The following STOX2 variants were observed in gnomAD, a reference collection of about 807,000 sequenced individuals.
STOX2 encodes storkhead box 2.
STOX2 carries 28 observed loss-of-function variants against 60.9 expected under a neutral mutation model. The ratio of observed to expected loss-of-function variants is 0.46; its 90% confidence interval spans 0.34 to 0.63. STOX2 has a LOEUF of 0.63. STOX2 is among the 30% of genes least tolerant of loss of function. The pLI is 0.01. For missense variants in STOX2, 1,024 were observed against 1,187.7 expected (o/e 0.86, Z 2.03); for synonymous variants, 472 against 463.9 (o/e 1.02, Z -0.22).
chr4:183,899,709 C>T (rs921075398), intron 1 of STOX2, among the ~76,000 whole-genome samples: 10 of 152,168 alleles, frequency 6.6e-5, no homozygotes, highest in Non-Finnish European at 1.0e-4. Flanking sequence ...GTCTCCATAA[C>T]ATAAAAGTGC....
intron 1 of STOX2, among the ~76,000 whole-genome samples, chr4:183,920,061 A>C (rs1742053790): frequency 6.6e-6 from 1 of 152,208 alleles, no homozygotes. Flanking sequence ...TCACATACTC[A>C]TCGGTATACT....
intron 1 of STOX2, among the ~76,000 whole-genome samples, chr4:183,837,398 T>C (rs1252300000): frequency 6.6e-6 from 1 of 152,126 alleles, no homozygotes; most frequent in Non-Finnish European, 1.5e-5. Context: ...AGTGGAATCA[T>C]ACAGTATTTG....
intron 1 of STOX2, among the ~76,000 whole-genome samples, chr4:183,912,207 T>G (rs1365347982): frequency 6.6e-6 from 1 of 152,200 alleles, no homozygotes; most frequent in Non-Finnish European, 1.5e-5. Context: ...CTATCCTCCT[T>G]ATGTCCCCAG....
At chr4:183,953,387 C>T (rs1461112124) in intron 1 of STOX2, among the ~76,000 whole-genome samples, 1 of 152,152 alleles carries the variant, frequency 6.6e-6, no homozygotes. Context: ...TGCCCCTTTA[C>T]CACTTTGCAT....
intron 1 of STOX2, among the ~76,000 whole-genome samples, chr4:183,823,994 G>C (rs1055362075): frequency 3.3e-5 from 5 of 152,198 alleles, no homozygotes; most frequent in Admixed American, 3.3e-4. Flanking sequence ...GACATGTGTA[G>C]CCATGTATCG....
chr4:183,843,608 G>T (rs1374807884), intron 1 of STOX2, among the ~76,000 whole-genome samples: 2 of 152,210 alleles, frequency 1.3e-5, no homozygotes, highest in African/African-American at 4.8e-5. Context: ...TATGGAAATC[G>T]CATGAGCGTG....
chr4:183,912,146 T>G (rs1470615828), intron 1 of STOX2, among the ~76,000 whole-genome samples: 4 of 152,186 alleles, frequency 2.6e-5, no homozygotes, highest in Admixed American at 1.3e-4. Flanking sequence ...GCTGAACCCT[T>G]CTTCTGTTCT....
At position 183,905,392 on chromosome 4, in the gene STOX2, T is replaced by G. The variant is rs1403029177; in HGVS notation, c.-1399T>G. The G allele has an allele frequency of 1.3e-5, 2 of 152,456 alleles. No individual in the cohort carries two copies. The highest frequency in any genetic ancestry group is 1.3e-4 in the Admixed American group (2 of 15,278). 9.4% of individuals were successfully genotyped at this position (152,456 alleles called of 1,614,324 possible). On this transcript the variant is annotated 5_prime_UTR_variant, in exon 1 of 4. Coordinates refer to ENST00000308497, the MANE Select transcript of STOX2 (RefSeq NM_020225.3). ...GGCTGGCGGTGACTTACACCGGGAC[T>G]CCAGAGGGAGAGAGGAAGCGCTGCA...
intron 1 of STOX2, among the ~76,000 whole-genome samples, chr4:183,928,284 C>T (rs868041252): frequency 5.3e-4 from 81 of 152,122 alleles, no homozygotes; most frequent in African/African-American, 1.8e-3. Context: ...GAGCTGCCCA[C>T]GAAATGCTTA....
chr4:183,929,711 T>C (rs889009122), intron 1 of STOX2, among the ~76,000 whole-genome samples: 2 of 152,152 alleles, frequency 1.3e-5, no homozygotes, highest in African/African-American at 4.8e-5. Context: ...CATTTAGCAG[T>C]ATTGTATGCT....
intron 1 of STOX2, among the ~76,000 whole-genome samples, chr4:183,899,522 T>C (rs1741418596): frequency 1.3e-5 from 2 of 152,168 alleles, no homozygotes; most frequent in African/African-American, 4.8e-5. Flanking sequence ...GGAGAAAATT[T>C]GAGTGGTCTG....
intron 1 of STOX2, among the ~76,000 whole-genome samples, chr4:183,941,198 G>T (rs1242465520): frequency 1.3e-5 from 2 of 152,130 alleles, no homozygotes; most frequent in South Asian, 4.1e-4. Context: ...CCTTTGAGTC[G>T]TATGTATTTG....
chr4:183,807,252 C>A (rs538028295), intron 1 of STOX2, among the ~76,000 whole-genome samples: 1 of 152,084 alleles, frequency 6.6e-6, no homozygotes, highest in Non-Finnish European at 1.5e-5. Context: ...GATTACAGGC[C>A]TGAACCACCG....
chr4:183,903,668 C>A (rs1741513204), upstream of STOX2, among the ~76,000 whole-genome samples: 1 of 152,202 alleles, frequency 6.6e-6, no homozygotes, highest in African/African-American at 2.4e-5. Context: ...ATTCATATAA[C>A]CACCTTTGGC....
At position 183,952,253 on chromosome 4, in the gene STOX2, A is replaced by G. The variant is rs138772660; in HGVS notation, c.166+45297A>G. 3.3e-3 allele frequency among the ~76,000 whole-genome samples: 497 copies of G among 152,284 alleles called. 13 individuals are homozygous for G. The highest frequency in any genetic ancestry group is 0.03 in the Admixed American group (453 of 15,296). On this transcript the variant is annotated intron_variant, in intron 1 of 3. Transcript: ENST00000308497. ...TTGGTTTGTTCTGCGTACTTTGAAA[A>G]CCGTAACACATCTCATTTCACAAAT...
chr4:183,876,200 AC>A (rs2111168232), intron 1 of STOX2, among the ~76,000 whole-genome samples: 1 of 152,268 alleles, frequency 6.6e-6, no homozygotes, highest in Non-Finnish European at 1.5e-5. Flanking sequence ...TCTGACAGAG[AC>A]TGTCTACAAT....
rs535923439 is a variant in STOX2, at chr4:183,825,615, C to T, written c.364+27560C>T. ...AGCGCCCGACCCCTCCCTGCCCGTC[C>T]TCTGTGTCCCAGGACTCGCGGTGAA... On this transcript the variant is annotated intron_variant, in intron 1 of 2. Transcript: ENST00000513034. The surrounding 1 kb of genome is among the most constrained non-coding windows in gnomAD (Gnocchi z 4.1). Among the ~76,000 whole-genome samples, 67 of 152,314 alleles carry T rather than the reference C, an allele frequency of 4.4e-4. 1 individual carries two copies. The highest frequency in any genetic ancestry group is 3.4e-3 in the Middle Eastern group (1 of 292).
Position 184,020,652 on chromosome 4 carries a change from C to T in STOX2, c.*3368C>T, listed in dbSNP as rs1939968425. The stretch of plus-strand genomic sequence containing the variant: ...TGTATTCCATTATATATATTTTGCA[C>T]ATCTCAGGGGACCATAATGAACATA... On this transcript the variant is annotated 3_prime_UTR_variant, in exon 4 of 4. Transcript: ENST00000308497. 1 of 146,608 alleles carries T rather than the reference C, an allele frequency of 6.8e-6. No individual in the cohort carries two copies. The highest frequency in any genetic ancestry group is 1.5e-5 in the Non-Finnish European group (1 of 67,552). 9.1% of individuals were successfully genotyped at this position (146,608 alleles called of 1,614,324 possible).
intron 1 of STOX2, among the ~76,000 whole-genome samples, chr4:183,912,554 C>T (rs1283790265): frequency 2.0e-5 from 3 of 152,192 alleles, no homozygotes; most frequent in Admixed American, 6.5e-5. Context: ...AGAACCAGCT[C>T]CTATGCCCCC....
Sources: allele counts gnomAD v4.1 joint callset (sites outside exome capture counted in the v4.1 genomes callset), GRCh38; gene constraint gnomAD v4.1.1; non-coding constraint Gnocchi (gnomAD v3.1); transcripts MANE v1.5; gene names NCBI Gene and HGNC (gene_info 2026-07-23, HGNC 2026-07-21).